The following ELMO1 variants were observed in gnomAD, a reference collection of about 807,000 sequenced individuals.
The protein encoded by ELMO1 is engulfment and cell motility 1.
ELMO1 carries 26 observed loss-of-function variants against 98.9 expected under a neutral mutation model. The ratio of observed to expected loss-of-function variants is 0.26; its 90% CI spans 0.19 to 0.36. The LOEUF is 0.36. Ranked by LOEUF, ELMO1 falls within the 10% of genes least tolerant of loss-of-function variation. The pLI is 1.00. For synonymous variants in ELMO1, 346 were observed against 346.0 expected, an observed-to-expected ratio of 1.00 and a Z score of 0.00; for missense variants, 627 against 935.2, an observed-to-expected ratio of 0.67 and a Z score of 4.30.
chr7:36,988,071 G>A (rs1791637123), intron 16 of ELMO1, among the ~76,000 whole-genome samples: 1 of 152,162 alleles, frequency 6.6e-6, no homozygotes, highest in Non-Finnish European at 1.5e-5. Flanking sequence ...CATTGGTCTT[G>A]ATGTTGGATT....
intron 8 of ELMO1, among the ~76,000 whole-genome samples, chr7:37,232,815 C>T (rs184406077): frequency 6.6e-6 from 1 of 152,330 alleles, no homozygotes; most frequent in Admixed American, 6.5e-5. Context: ...CAGAGTCACA[C>T]ATGGGGAATT....
chr7:37,173,398 G>C, intron 13 of ELMO1, among the ~76,000 whole-genome samples: 1 of 152,252 alleles, frequency 6.6e-6, no homozygotes, highest in Non-Finnish European at 1.5e-5. Flanking sequence ...CTGATGGAAG[G>C]AAGCAATGGA....
At chr7:37,179,267 T>C (rs1018818179) in intron 13 of ELMO1, among the ~76,000 whole-genome samples, 2 of 147,908 alleles carry the variant, frequency 1.4e-5, no homozygotes, top group Non-Finnish European at 3.0e-5. Flanking sequence ...ATCTGAATGT[T>C]TGCATATAGC....
At chr7:37,230,342 A>T (rs1471270630) in intron 8 of ELMO1, among the ~76,000 whole-genome samples, 1 of 152,190 alleles carries the variant, frequency 6.6e-6, no homozygotes, top group African/African-American at 2.4e-5. Flanking sequence ...GAAATTGCTT[A>T]ACTCTAAGCA....
chr7:37,408,455 A>C (rs1803865750), intron 1 of ELMO1, among the ~76,000 whole-genome samples: 1 of 152,234 alleles, frequency 6.6e-6, no homozygotes, highest in Non-Finnish European at 1.5e-5. Flanking sequence ...CAACATTGGC[A>C]CTACTGTGTA....
At chr7:37,016,838 G>C (rs1793968985) in intron 15 of ELMO1, among the ~76,000 whole-genome samples, 2 of 152,220 alleles carry the variant, frequency 1.3e-5, no homozygotes, top group African/African-American at 4.8e-5. Context: ...CACATGGTTT[G>C]CAAGTGGTGG....
intron 15 of ELMO1, among the ~76,000 whole-genome samples, chr7:37,020,104 G>T (rs1045314930): frequency 2.6e-5 from 4 of 152,298 alleles, no homozygotes; most frequent in Admixed American, 1.3e-4. Context: ...CGTAGGGAAT[G>T]GGTCTAGAGC....
At chr7:36,956,182 G>C (rs77483511) in intron 16 of ELMO1, among the ~76,000 whole-genome samples, 216 of 152,298 alleles carry the variant, frequency 1.4e-3, no homozygotes, top group Non-Finnish European at 2.6e-3. Context: ...TGTACTTCTT[G>C]CTTCTGCTTT....
At chr7:36,910,411 C>T (rs1784259869) in intron 16 of ELMO1, among the ~76,000 whole-genome samples, 1 of 152,178 alleles carries the variant, frequency 6.6e-6, no homozygotes, top group Admixed American at 6.5e-5. Flanking sequence ...ATGAACAAAG[C>T]AGGCTCTGAT....
At chr7:37,065,426 G>C (rs934653024) in intron 15 of ELMO1, among the ~76,000 whole-genome samples, 8 of 152,076 alleles carry the variant, frequency 5.3e-5, no homozygotes, top group Non-Finnish European at 8.8e-5. Context: ...TGTCCTCCAG[G>C]AAACAATTCA....
intron 16 of ELMO1, among the ~76,000 whole-genome samples, chr7:36,927,434 A>T (rs1785671688): frequency 6.6e-6 from 1 of 152,280 alleles, no homozygotes; most frequent in Non-Finnish European, 1.5e-5. Flanking sequence ...TACCTTGAAC[A>T]CTTATTCCAT....
intron 16 of ELMO1, among the ~76,000 whole-genome samples, chr7:36,899,742 A>G (rs923748695): frequency 1.5e-5 from 2 of 130,752 alleles, no homozygotes; most frequent in African/African-American, 5.8e-5. Flanking sequence ...AGAATTCAAA[A>G]AGTTTTAAAT....
chr7:37,042,265 C>T (rs1365778329), intron 15 of ELMO1, among the ~76,000 whole-genome samples: 1 of 149,008 alleles, frequency 6.7e-6, no homozygotes, highest in Non-Finnish European at 1.5e-5. Flanking sequence ...TACATATGCA[C>T]TGGGAATTTG....
intron 15 of ELMO1, among the ~76,000 whole-genome samples, chr7:37,035,387 T>C (rs1164185007): frequency 1.3e-5 from 2 of 152,228 alleles, no homozygotes; most frequent in African/African-American, 2.4e-5. Flanking sequence ...AGTCTATAGC[T>C]ATGCTTTTCT....
chr7:36,940,043 A>C (rs761825257), intron 16 of ELMO1, among the ~76,000 whole-genome samples: 3 of 152,222 alleles, frequency 2.0e-5, no homozygotes, highest in Non-Finnish European at 2.9e-5. Flanking sequence ...GAAATGATCA[A>C]GACTTTGTAA....
At chr7:37,105,208 C>A in intron 14 of ELMO1, among the ~76,000 whole-genome samples, 1 of 152,216 alleles carries the variant, frequency 6.6e-6, no homozygotes, top group East Asian at 1.9e-4. Context: ...AGCATCACCT[C>A]AGGTAGCACA....
chr7:37,008,393 C>A (rs1052461586), intron 16 of ELMO1, among the ~76,000 whole-genome samples: 9 of 152,116 alleles, frequency 5.9e-5, no homozygotes, highest in Admixed American at 5.9e-4. Context: ...TTCCAAAATC[C>A]ATGAAAATTT....
At chr7:37,319,539 G>T (rs1352802652) in intron 2 of ELMO1, among the ~76,000 whole-genome samples, 2 of 152,026 alleles carry the variant, frequency 1.3e-5, no homozygotes, top group South Asian at 2.1e-4. Flanking sequence ...ACCCTTTCCT[G>T]AGTACCAGCC....
intron 10 of ELMO1, 68 bp downstream of exon 10, chr7:37,222,547 G>A (rs1451616170): frequency 2.0e-6 from 3 of 1,465,726 alleles, no homozygotes; most frequent in African/African-American, 2.8e-5. Flanking sequence ...AATAGAAGGA[G>A]AGGGCGTTCT....
Sources: allele counts gnomAD v4.1 joint callset (sites outside exome capture counted in the v4.1 genomes callset), GRCh38; gene constraint gnomAD v4.1.1; transcripts MANE v1.5; gene names NCBI Gene and HGNC (gene_info 2026-07-23, HGNC 2026-07-21).